The following ANKRD42 variants were observed in gnomAD, a reference collection of about 807,000 sequenced individuals.
ANKRD42 encodes ankyrin repeat domain-containing protein 42.
Under a neutral mutation model 51.5 loss-of-function variants are expected in ANKRD42, and 43 were observed. The ratio of observed to expected loss-of-function variants is 0.83; its 90% CI spans 0.65 to 1.08. ANKRD42 has a LOEUF of 1.08. ANKRD42 is among the 50% of genes least tolerant of loss of function. The pLI is 0.00. For synonymous variants in ANKRD42, 203 were observed against 213.0 expected, an observed-to-expected ratio of 0.95 and a Z score of 0.41; for missense variants, 608 against 629.3, an observed-to-expected ratio of 0.97 and a Z score of 0.36.
chr11:83,198,534 T>G lies in ANKRD42; in HGVS notation c.114T>G (p.Asp38Glu). The change falls in exon 2 of 11, where the codon GAT becomes GAG. Residue 38 changes from aspartate to glutamate, a missense_variant. Coordinates refer to ENST00000533342, the MANE Select transcript of ANKRD42 (RefSeq NM_001300975.2). ...GSIHDAVRAG[D>E]VKQLSEIVVR... Reference sequence around the variant, plus strand: ...TACATGATGCAGTACGAGCTGGAGATGTAAAGCAGCTTTCAGAAATAGTGG... The same window carrying G: ...TACATGATGCAGTACGAGCTGGAGAGGTAAAGCAGCTTTCAGAAATAGTGG... 1 of 1,614,002 alleles carries G rather than the reference T, an allele frequency of 6.2e-7. No individual in the cohort carries two copies. The highest frequency in any genetic ancestry group is 8.5e-7 in the Non-Finnish European group (1 of 1,179,902).
intron 8 of ANKRD42, among the ~76,000 whole-genome samples, chr11:83,238,596 C>T (rs1302206956): frequency 2.6e-5 from 4 of 152,082 alleles, no homozygotes; most frequent in East Asian, 1.9e-4. Context: ...TTTGGGAGGC[C>T]GAGGCGGGCG....
chr11:83,254,000 C>T (rs891730001), intron 11 of ANKRD42, among the ~76,000 whole-genome samples: 2 of 152,120 alleles, frequency 1.3e-5, no homozygotes, highest in Non-Finnish European at 2.9e-5. Flanking sequence ...TTTTGAGACA[C>T]TATCTCACTC....
rs899035077 is a variant in ANKRD42 at position 83,209,457 on chromosome 11, G to A, written c.331-843G>A. Reference sequence around the variant, plus strand: ...TACGACGACGAGGAGTTTGAGTATCGACATGTCGTGCTGCCCAAGGACATA... The same window carrying A: ...TACGACGACGAGGAGTTTGAGTATCAACATGTCGTGCTGCCCAAGGACATA... On this transcript the variant is annotated intron_variant, in intron 3 of 10. Coordinates refer to ENST00000533342, the MANE Select transcript of ANKRD42 (RefSeq NM_001300975.2). 2.4e-5 allele frequency: 36 copies of A among 1,492,080 alleles called. No homozygotes were observed. The African/African-American group carries it at 3.9e-4, about 16-fold the overall frequency. The allele number at this position is 1,492,080 out of a possible 1,614,324, so 92.4% of individuals were successfully genotyped here.
intron 2 of ANKRD42, 36 bp from the exon 3 acceptor site, chr11:83,206,022 C>T (rs541796181): frequency 1.3e-6 from 2 of 1,536,326 alleles, no homozygotes; most frequent in African/African-American, 2.7e-5. Context: ...TTAAAAACAT[C>T]CACTTTATCA....
chr11:83,220,220 A>G (rs1314432602), intron 5 of ANKRD42, among the ~76,000 whole-genome samples: 1 of 152,196 alleles, frequency 6.6e-6, no homozygotes, highest in African/African-American at 2.4e-5. Context: ...CAGGCCAACT[A>G]AAGCTCCCAA....
intron 2 of ANKRD42, among the ~76,000 whole-genome samples, chr11:83,199,413 C>T (rs761485734): frequency 3.3e-5 from 5 of 151,252 alleles, no homozygotes; most frequent in Admixed American, 1.3e-4. Context: ...TTTTTTTGTT[C>T]AACAATATGT....
chr11:83,209,512 G>A (rs1590971371), intron 3 of ANKRD42: 2 of 1,066,622 alleles, frequency 1.9e-6, no homozygotes, highest in Non-Finnish European at 2.9e-6. Context: ...CCCATTTGAT[G>A]TCTGAATCTG....
At chr11:83,256,748 T>C (rs778201952), downstream of ANKRD42, among the ~76,000 whole-genome samples, 2 of 152,232 alleles carry the variant, frequency 1.3e-5, no homozygotes, top group African/African-American at 4.8e-5. Context: ...TAAAGTCATT[T>C]TGACATGGTA....
At chr11:83,239,873 T>C (rs1052682797) in intron 8 of ANKRD42, among the ~76,000 whole-genome samples, 4 of 152,232 alleles carry the variant, frequency 2.6e-5, no homozygotes, top group Non-Finnish European at 4.4e-5. Context: ...AGAGATAACT[T>C]TGAATCTAGC....
Position 83,194,706 on chromosome 11 carries a change from C to A in ANKRD42, c.36C>A (p.Ser12=), listed in dbSNP as rs772018613. Reference sequence around the variant, plus strand: ...TGGCCAATTCAGGCCCCTCCACTTCCTCTAGGGAGACTGCAAACCCCTGTG... The same window carrying A: ...TGGCCAATTCAGGCCCCTCCACTTCATCTAGGGAGACTGCAAACCCCTGTG... ...PGVANSGPST[S]SRETANPCSR... Residue 12 remains serine (S), a synonymous_variant, in exon 1 of 11, where the codon TCC becomes TCA. Transcript: ENST00000533342. 1.9e-6 allele frequency: 3 copies of A among 1,606,650 alleles called. No homozygotes were observed. The South Asian group carries it at 3.3e-5, about 18-fold the overall frequency.
chr11:83,232,575 T>C (rs1019629437), intron 7 of ANKRD42, among the ~76,000 whole-genome samples: 5 of 152,214 alleles, frequency 3.3e-5, no homozygotes, highest in African/African-American at 7.2e-5. Context: ...CCAATTTGGA[T>C]GCCCTTTGTT....
rs17515016 is a variant in ANKRD42, at chr11:83,224,944, A to G, written c.676A>G (p.Asn226Asp). 7,952 of 1,613,652 alleles carry G rather than the reference A, an allele frequency of 4.9e-3. 18 individuals are homozygous for G. The highest frequency in any genetic ancestry group is 6.2e-3 in the Non-Finnish European group (7,311 of 1,179,604). ...SSATQVLKAF[N>D]DNGENVLDLA... is the part of the protein sequence containing the mutation. ...TGCGACGCAAGTTTTAAAAGCTTTC[A>G]ATGATAATGGAGAAAATGTACTGGA... The change falls in exon 6 of 11, where the codon AAT (asparagine) becomes GAT (aspartate). Residue 226 changes from asparagine to aspartate, a missense_variant. Coordinates refer to ENST00000533342, the MANE Select transcript of ANKRD42 (RefSeq NM_001300975.2).
chr11:83,261,816 A>C, downstream of ANKRD42: 1 of 801,632 alleles, frequency 1.2e-6, no homozygotes, highest in East Asian at 2.5e-5. Context: ...AATCTTGTGT[A>C]GTAAATTTTT....
chr11:83,226,086 T>A lies in ANKRD42; in HGVS notation c.787+1031T>A, dbSNP rs76538047. ...ATTATTCTTTATGTGCATTATTTGT[T>A]ATTGTTGTATTGTTATTTTTATTTG... is the stretch of plus-strand genomic sequence containing the variant. On this transcript the variant is annotated intron_variant, in intron 6 of 10. Coordinates refer to ENST00000533342, the MANE Select transcript of ANKRD42 (RefSeq NM_001300975.2). 1.0e-2 allele frequency among the ~76,000 whole-genome samples: 1,522 copies of A among 152,294 alleles called. 28 individuals carry two copies. The highest frequency in any genetic ancestry group is 0.034 in the African/African-American group (1,403 of 41,564).
intron 1 of ANKRD42, among the ~76,000 whole-genome samples, chr11:83,198,147 A>G (rs1487190143): frequency 6.6e-6 from 1 of 152,192 alleles, no homozygotes; most frequent in Non-Finnish European, 1.5e-5. Flanking sequence ...CTACCACTTT[A>G]TGGCTCCAGG....
chr11:83,198,335 T>A (rs1861739507), intron 1 of ANKRD42, 144 bp from the exon 2 acceptor site: 2 of 795,502 alleles, frequency 2.5e-6, no homozygotes, highest in Non-Finnish European at 3.8e-6. Context: ...AGAAGTCTGT[T>A]TAAGATATTA....
intron 8 of ANKRD42, 89 bp downstream of exon 8, chr11:83,236,598 T>A: frequency 9.4e-7 from 1 of 1,065,454 alleles, no homozygotes; most frequent in South Asian, 1.7e-5. Context: ...GAAGTTTTAA[T>A]GGAATTTTAG....
At chr11:83,262,091 G>GT, downstream of ANKRD42, 4 of 609,878 alleles carry the variant, frequency 6.6e-6, no homozygotes, top group Non-Finnish European at 1.1e-5. Flanking sequence ...TCTATCCTAT[G>GT]TTTTTTATTC....
At chr11:83,257,220 G>C, downstream of ANKRD42, 2 of 431,842 alleles carry the variant, frequency 4.6e-6, no homozygotes, top group Non-Finnish European at 9.1e-6. Flanking sequence ...GTGTCCATGT[G>C]AGATAGATGC....
Sources: gnomAD v4.1 joint callset for allele counts (sites outside exome capture counted in the v4.1 genomes callset) on GRCh38, gnomAD v4.1.1 for gene constraint, MANE v1.5 for transcripts, NCBI Gene and HGNC (gene_info 2026-07-23, HGNC 2026-07-21) for gene names.